Variants in RBFOX3 observed in about 807,000 individuals in gnomAD.
RBFOX3 encodes RNA binding fox-1 homolog 3.
Under a neutral mutation model 48.7 loss-of-function variants are expected in RBFOX3, and 17 were observed. The ratio of observed to expected loss-of-function variants is 0.35; its 90% CI spans 0.24 to 0.52. RBFOX3 has a LOEUF of 0.52. Among genes scored for constraint, RBFOX3 ranks in the 20% least tolerant of loss-of-function variants. The pLI, the probability that RBFOX3 is intolerant of heterozygous loss-of-function variation, is 0.94. For missense variants in RBFOX3, 382 were observed against 497.5 expected, an observed-to-expected ratio of 0.77 and a Z score of 2.21; for synonymous variants, 212 against 209.5, an observed-to-expected ratio of 1.01 and a Z score of -0.10.
At position 79,249,918 on chromosome 17, in the gene RBFOX3, AG is replaced by A. The variant is rs1224773380; in HGVS notation, c.-73-14114del. On this transcript the variant is annotated intron_variant, in intron 3 of 14. Transcript: ENST00000693108. This position sits in a 1 kb window ranked among gnomAD's most constrained non-coding sequence, Gnocchi z 4.1. Reference sequence around the variant, plus strand: ...TTCCAGGTATCCTTAGATCCCCACCAGCCTCACCATCCTAGCTGCACCTGCC... The same window carrying A: ...TTCCAGGTATCCTTAGATCCCCACCACCTCACCATCCTAGCTGCACCTGCC... Among the ~76,000 whole-genome samples, 1 of 152,134 alleles carries A rather than the reference AG, an allele frequency of 6.6e-6. No individual in the cohort carries two copies. Among genetic ancestry groups the A allele is most frequent in the East Asian group, 1.9e-4 (1 of 5,192 alleles).
intron 1 of RBFOX3, among the ~76,000 whole-genome samples, chr17:79,590,681 G>A (rs947116405): frequency 1.3e-5 from 2 of 152,150 alleles, no homozygotes; most frequent in South Asian, 2.1e-4. Flanking sequence ...TGGCCACCTG[G>A]CACCGAAAGT....
At chr17:79,632,275 G>A in the RBFOX3 span, among the ~76,000 whole-genome samples, 15 of 152,272 alleles carry the variant, frequency 9.9e-5, no homozygotes, top group African/African-American at 3.6e-4. Context: ...TCTGCATTAG[G>A]AGGATCCGTA....
the RBFOX3 span, among the ~76,000 whole-genome samples, chr17:79,653,012 A>T: frequency 5.3e-5 from 8 of 152,008 alleles, no homozygotes; most frequent in Non-Finnish European, 1.0e-4. Flanking sequence ...GCAGCATGGA[A>T]ATCAGAATTT....
chr17:79,335,395 G>A (rs1258579136), intron 2 of RBFOX3, among the ~76,000 whole-genome samples: 1 of 152,226 alleles, frequency 6.6e-6, no homozygotes, highest in Non-Finnish European at 1.5e-5. Flanking sequence ...ATATATGTAT[G>A]TATATGTTTT....
At chr17:79,626,206 AGAAACTTCCCT>A in the RBFOX3 span, among the ~76,000 whole-genome samples, 1 of 152,188 alleles carries the variant, frequency 6.6e-6, no homozygotes, top group Non-Finnish European at 1.5e-5. Flanking sequence ...CAGGTGGACC[AGAAACTTCCCT>A]GGACTCATCC....
At chr17:79,269,704 TG>T (rs1296517043) in intron 3 of RBFOX3, among the ~76,000 whole-genome samples, 1 of 152,112 alleles carries the variant, frequency 6.6e-6, no homozygotes, top group African/African-American at 2.4e-5. Flanking sequence ...TGGCGGGGCC[TG>T]GGTCTTTCCT....
intron 2 of RBFOX3, among the ~76,000 whole-genome samples, chr17:79,414,805 G>A (rs977692053): frequency 1.3e-5 from 2 of 152,198 alleles, no homozygotes; most frequent in African/African-American, 4.8e-5. Flanking sequence ...GTGAAAAGAT[G>A]GGCTTTGTAG....
the RBFOX3 span, among the ~76,000 whole-genome samples, chr17:79,656,062 G>A: frequency 3.9e-4 from 59 of 152,150 alleles, no homozygotes; most frequent in African/African-American, 1.2e-3. Flanking sequence ...TGCCTCCCCC[G>A]CACTCTTGCT....
At chr17:79,581,356 C>G (rs1310568676) in intron 1 of RBFOX3, among the ~76,000 whole-genome samples, 3 of 152,244 alleles carry the variant, frequency 2.0e-5, no homozygotes, top group African/African-American at 7.2e-5. Flanking sequence ...AGGAAGACTT[C>G]CCCTCGGGCT....
At chr17:79,137,552 C>T (rs1312775529) in intron 4 of RBFOX3, among the ~76,000 whole-genome samples, 1 of 152,228 alleles carries the variant, frequency 6.6e-6, no homozygotes, top group East Asian at 1.9e-4. Context: ...CCCCAGTCCA[C>T]CTGCCTGGAC....
intron 1 of RBFOX3, among the ~76,000 whole-genome samples, chr17:79,527,432 G>A (rs1205606186): frequency 8.5e-5 from 13 of 152,194 alleles, no homozygotes; most frequent in Non-Finnish European, 1.5e-4. Context: ...GGGGGAGCAC[G>A]GTTCCGCAGC....
chr17:79,611,189 C>CCGCCCTCCT (rs2093965929), upstream of RBFOX3, among the ~76,000 whole-genome samples: 3 of 119,856 alleles, frequency 2.5e-5, no homozygotes, highest in Non-Finnish European at 5.3e-5. Context: ...CTCCTTCTCT[C>CCGCCCTCCT]TCTCTCTCTC....
At chr17:79,272,665 T>G (rs1371859795) in intron 3 of RBFOX3, among the ~76,000 whole-genome samples, 1 of 152,172 alleles carries the variant, frequency 6.6e-6, no homozygotes, top group Admixed American at 6.5e-5. Context: ...TCCCTGTTGT[T>G]GGTGAAATTG....
At chr17:79,112,920 T>TGGGGGGGG (rs1568152586) in intron 5 of RBFOX3, among the ~76,000 whole-genome samples, 1 of 29,522 alleles carries the variant, frequency 3.4e-5, no homozygotes, top group Non-Finnish European at 6.4e-5. Context: ...GGGGGTGGGC[T>TGGGGGGGG]GGGTAGGACT....
intron 1 of RBFOX3, among the ~76,000 whole-genome samples, chr17:79,494,456 G>C (rs2081157232): frequency 6.6e-6 from 1 of 152,236 alleles, no homozygotes. Context: ...ACCCCCTCTT[G>C]TTCCTCACCA....
At chr17:79,641,518 T>G in the RBFOX3 span, among the ~76,000 whole-genome samples, 1 of 152,232 alleles carries the variant, frequency 6.6e-6, no homozygotes, top group African/African-American at 2.4e-5. Context: ...TGCAGCATTA[T>G]TCACAATTGC....
intron 1 of RBFOX3, among the ~76,000 whole-genome samples, chr17:79,590,220 A>G (rs1462749712): frequency 3.9e-5 from 6 of 152,148 alleles, no homozygotes; most frequent in Non-Finnish European, 7.3e-5. Flanking sequence ...CTGATAGGGG[A>G]CAGACACGCG....
At chr17:79,153,680 A>G (rs1234806768) in intron 4 of RBFOX3, among the ~76,000 whole-genome samples, 1 of 152,144 alleles carries the variant, frequency 6.6e-6, no homozygotes, top group African/African-American at 2.4e-5. Context: ...CATTATACAC[A>G]CAGGAAAAGA....
At chr17:79,142,321 G>A (rs978174220) in intron 4 of RBFOX3, among the ~76,000 whole-genome samples, 7 of 152,204 alleles carry the variant, frequency 4.6e-5, no homozygotes, top group Admixed American at 2.0e-4. Flanking sequence ...GAGCAGCCCC[G>A]TTGGAGAGGC....
Sources: allele counts gnomAD v4.1 joint callset (sites outside exome capture counted in the v4.1 genomes callset), GRCh38; gene constraint gnomAD v4.1.1; non-coding constraint Gnocchi (gnomAD v3.1); transcripts MANE v1.5; gene names NCBI Gene and HGNC (gene_info 2026-07-23, HGNC 2026-07-21).